Variants in EDA observed in about 807,000 individuals in gnomAD.
EDA encodes ectodysplasin-A.
Under a neutral mutation model 23.6 loss-of-function variants are expected in EDA, and 2 were observed. That is an observed-to-expected ratio of 0.08 (90% CI 0.03 to 0.27). The LOEUF (loss-of-function observed/expected upper bound fraction) is 0.27, where lower values mean the gene tolerates loss of function less well. Ranked by LOEUF, EDA falls within the 10% of genes least tolerant of loss-of-function variation. The probability of loss-of-function intolerance (pLI) is 1.00; values close to 1 mark genes in which losing one functional copy is unlikely to be tolerated. For synonymous variants in EDA, 131 were observed against 132.0 expected (o/e 0.99, Z 0.05); for missense variants, 229 against 324.2 (o/e 0.71, Z 2.26).
At chrX:69,623,263 C>T (rs939734563) in intron 1 of EDA, among the ~76,000 whole-genome samples, 5 of 112,149 alleles carry the variant, frequency 4.5e-5, no homozygotes, top group Non-Finnish European at 9.4e-5. Context: ...TTAGAGGGAA[C>T]TCACCATTTT....
chrX:69,618,155 C>A (rs1332404340), intron 1 of EDA, among the ~76,000 whole-genome samples: 1 of 111,903 alleles, frequency 8.9e-6, no homozygotes, highest in African/African-American at 3.3e-5. Flanking sequence ...TATTTAGCAG[C>A]TGAACATTGA....
intron 1 of EDA, among the ~76,000 whole-genome samples, chrX:69,706,404 G>C (rs754728358): frequency 8.9e-6 from 1 of 111,842 alleles, no homozygotes; most frequent in East Asian, 2.8e-4. Context: ...GAGTACTATC[G>C]ATGAAAAGTG....
intron 2 of EDA, among the ~76,000 whole-genome samples, chrX:69,959,225 A>G (rs2019064862): frequency 8.9e-6 from 1 of 112,021 alleles, no homozygotes; most frequent in African/African-American, 3.2e-5. Context: ...GTCAGTCACT[A>G]GACTCTAGTC....
intron 1 of EDA, among the ~76,000 whole-genome samples, chrX:69,955,700 C>T (rs2018989881): frequency 8.9e-6 from 1 of 111,958 alleles, no homozygotes; most frequent in Non-Finnish European, 1.9e-5. Flanking sequence ...TTATTAAGTG[C>T]ATGCTACATG....
At chrX:69,722,130 G>T (rs2012606231) in intron 1 of EDA, among the ~76,000 whole-genome samples, 2 of 111,482 alleles carry the variant, frequency 1.8e-5, no homozygotes, top group Admixed American at 9.5e-5. Flanking sequence ...CTTTTCTTCT[G>T]TCTCTCTGTT....
At chrX:70,010,846 C>T (rs899761655) in intron 2 of EDA, among the ~76,000 whole-genome samples, 1 of 111,042 alleles carries the variant, frequency 9.0e-6, no homozygotes, top group Non-Finnish European at 1.9e-5. Context: ...ATAAAACCAT[C>T]AGATCTCGTG....
At chrX:69,631,381 CA>C (rs1212176285) in intron 1 of EDA, among the ~76,000 whole-genome samples, 123 of 52,806 alleles carry the variant, frequency 2.3e-3, no homozygotes, top group Middle Eastern at 0.012. Context: ...GACTCCGTGT[CA>C]AAAAAAAAAA....
chrX:69,953,415 T>C (rs1227071628), intron 1 of EDA, among the ~76,000 whole-genome samples: 2 of 112,223 alleles, frequency 1.8e-5, no homozygotes, highest in African/African-American at 6.5e-5. Context: ...TTGGTGAAGA[T>C]GCAGAGCACT....
chrX:69,810,129 A>G (rs1446239060), intron 1 of EDA, among the ~76,000 whole-genome samples: 2 of 104,464 alleles, frequency 1.9e-5, no homozygotes, highest in East Asian at 6.1e-4. Context: ...GTGGTGGTGC[A>G]TGCCTGTAAT....
intron 4 of EDA, among the ~76,000 whole-genome samples, 155 bp downstream of exon 4, chrX:70,028,191 G>A (rs1182359947): frequency 9.0e-6 from 1 of 111,513 alleles, no homozygotes; most frequent in Non-Finnish European, 1.9e-5. Flanking sequence ...ACTAGGAATT[G>A]GACAAGCCAG....
chrX:69,653,071 A>G (rs1334003470), intron 1 of EDA, among the ~76,000 whole-genome samples: 1 of 111,996 alleles, frequency 8.9e-6, no homozygotes. Context: ...CTTGGGCAGT[A>G]TGGCCATTTT....
At chrX:69,631,337 G>A (rs1318020798) in intron 1 of EDA, among the ~76,000 whole-genome samples, 2 of 102,148 alleles carry the variant, frequency 2.0e-5, no homozygotes, top group African/African-American at 3.6e-5. Context: ...AGCCAAGATC[G>A]CACCACTGCA....
intron 1 of EDA, among the ~76,000 whole-genome samples, chrX:69,838,426 G>A (rs1351482131): frequency 8.9e-6 from 1 of 112,128 alleles, no homozygotes; most frequent in East Asian, 2.8e-4. Context: ...AAGAGATCAA[G>A]ACCATCCTGG....
chrX:69,824,522 T>A (rs945305473), intron 1 of EDA, among the ~76,000 whole-genome samples: 4 of 110,245 alleles, frequency 3.6e-5, no homozygotes, highest in African/African-American at 1.3e-4. Flanking sequence ...TGTATAAGAA[T>A]GCTTGTGCTT....
At chrX:69,733,410 G>T (rs936262005) in intron 1 of EDA, among the ~76,000 whole-genome samples, 9 of 111,685 alleles carry the variant, frequency 8.1e-5, no homozygotes, top group Non-Finnish European at 1.7e-4. Context: ...TCAGATGATT[G>T]TAGATGTGTG....
intron 1 of EDA, among the ~76,000 whole-genome samples, chrX:69,866,224 A>G (rs994080716): frequency 9.0e-5 from 10 of 111,285 alleles, no homozygotes; most frequent in African/African-American, 3.3e-4. Flanking sequence ...ATCACAAGGT[A>G]TGGTAATGCT....
chrX:70,012,843 C>T (rs2019895587), intron 2 of EDA, among the ~76,000 whole-genome samples: 1 of 111,768 alleles, frequency 8.9e-6, no homozygotes, highest in Admixed American at 9.4e-5. Context: ...AGCCACCCCA[C>T]CGCTACCTGG....
intron 2 of EDA, among the ~76,000 whole-genome samples, chrX:69,996,254 G>A (rs1483207824): frequency 2.7e-5 from 3 of 112,078 alleles, no homozygotes; most frequent in African/African-American, 9.7e-5. Flanking sequence ...GAATAACCAA[G>A]ATGAATGGCA....
intron 1 of EDA, among the ~76,000 whole-genome samples, chrX:69,686,094 C>T (rs149251275): frequency 0.066 from 7,356 of 111,769 alleles, 243 homozygotes; most frequent in Non-Finnish European, 0.11. Flanking sequence ...CTGCAACCTC[C>T]GCCTCCCAGG....
Sources: allele counts gnomAD v4.1 joint callset (sites outside exome capture counted in the v4.1 genomes callset), GRCh38; gene constraint gnomAD v4.1.1; transcripts MANE v1.5; gene names NCBI Gene and HGNC (gene_info 2026-07-23, HGNC 2026-07-21).